RNASET2: variants seen among roughly 807,000 people sequenced by gnomAD.
The protein encoded by RNASET2 is ribonuclease T2.
RNASET2 carries 28 observed loss-of-function variants against 33.9 expected under a neutral mutation model. That is an observed-to-expected ratio of 0.83 (90% confidence interval 0.61 to 1.13). RNASET2 has a LOEUF of 1.13. Among genes scored for constraint, RNASET2 ranks in the 50% most tolerant of loss-of-function variants. The pLI is 0.00. For synonymous variants in RNASET2, 123 were observed against 121.0 expected, an observed-to-expected ratio of 1.02 and a Z score of -0.11; for missense variants, 330 against 319.9, an observed-to-expected ratio of 1.03 and a Z score of -0.24.
rs1778280960 is a variant in RNASET2 at position 166,924,887 on chromosome 6, C to T, written c.*4701G>A. 6.6e-6 allele frequency among the ~76,000 whole-genome samples: 1 copy of T among 152,194 alleles called. No individual in the cohort carries two copies. The highest frequency in any genetic ancestry group is 2.4e-5 in the African/African-American group (1 of 41,430). ...CCTGCTTATGGCCATGTCCCAGTGC[C>T]TAGAAGAGAGGCGGCTCATAGGAAG... is the stretch of plus-strand genomic sequence containing the variant. On this transcript the variant is annotated 3_prime_UTR_variant, in exon 9 of 9. Coordinates refer to ENST00000508775, the MANE Select transcript of RNASET2 (RefSeq NM_003730.6).
chr6:166,945,492 C>G (rs951197468), intron 4 of RNASET2: 1 of 154,152 alleles, frequency 6.5e-6, no homozygotes, highest in African/African-American at 2.4e-5. Flanking sequence ...GCTCATCCCA[C>G]TGAAGGTCTT....
intron 3 of RNASET2, 163 bp from the exon 4 acceptor site, chr6:166,946,902 G>A (rs900338794): frequency 8.6e-5 from 59 of 688,196 alleles, no homozygotes; most frequent in African/African-American, 7.7e-4. Context: ...GAAAGAAGAT[G>A]CAGGTAAGAG....
Position 166,926,234 on chromosome 6 carries a change from C to T in RNASET2, c.*3354G>A, listed in dbSNP as rs553645730. Among the ~76,000 whole-genome samples the T allele has an allele frequency of 2.3e-4, 35 of 151,620 alleles. No individual in the cohort carries two copies. Among genetic ancestry groups the T allele is most frequent in the African/African-American group, 7.5e-4 (31 of 41,260 alleles). ...TTCACCGAGATGGAGGCAAAAGTTTCGGTGGAAAGATAAGATACCTGGGCC... is the reference window on the plus strand; with the variant it reads ...TTCACCGAGATGGAGGCAAAAGTTTTGGTGGAAAGATAAGATACCTGGGCC... On this transcript the variant is annotated 3_prime_UTR_variant, in exon 9 of 9. Coordinates refer to ENST00000508775, the MANE Select transcript of RNASET2 (RefSeq NM_003730.6).
chr6:166,955,474 G>C, intron 1 of RNASET2: 1 of 986,860 alleles, frequency 1.0e-6, no homozygotes, highest in Non-Finnish European at 1.2e-6. Context: ...TACTCAAAAA[G>C]AGGAAGAACC....
chr6:166,931,621 C>T (rs1257037220), intron 7 of RNASET2: 1 of 187,882 alleles, frequency 5.3e-6, no homozygotes, highest in Non-Finnish European at 1.1e-5. Flanking sequence ...AAACCTAGAC[C>T]CCCCTGTGCT....
In RNASET2 at chr6:166,923,228, C is replaced by CTTTT. The variant is rs576639665; in HGVS notation, c.*6356_*6359dup. Among the ~76,000 whole-genome samples the CTTTT allele has an allele frequency of 2.9e-4, 30 of 102,658 alleles. 3 individuals are homozygous for CTTTT. Among genetic ancestry groups the CTTTT allele is most frequent in the African/African-American group, 1.1e-3 (22 of 19,134 alleles). 67.3% of individuals were successfully genotyped at this position (102,658 alleles called of 152,430 possible). On this transcript the variant is annotated 3_prime_UTR_variant, in exon 9 of 9. Transcript: ENST00000508775. The stretch of plus-strand genomic sequence containing the variant: ...ACAGGCGTGAGCCACCAGGCCCGGC[C>CTTTT]TTTTTTTTTTTTTTTTTTTTTGAGA...
In RNASET2 at chr6:166,952,493, A is replaced by C. The variant is rs919595149; in HGVS notation, c.142T>G (p.Cys48Gly). 10 of 1,613,944 alleles carry C rather than the reference A, an allele frequency of 6.2e-6. No individual in the cohort carries two copies. The highest frequency in any genetic ancestry group is 1.7e-5 in the Admixed American group (1 of 60,032). ...IMVQHWPETV[C>G]EKIQNDCRDP... ...GTCAAGGCAGAAACACTCACCTCGC[A>C]TACTGTCTCAGGCCAGTGCTGAACC... The change falls in exon 2 of 9, where the codon TGC becomes GGC. Residue 48 changes from cysteine (C) to glycine (G), a missense_variant. Transcript: ENST00000508775.
rs1410177844 is a variant in RNASET2, at chr6:166,927,156, T to G, written c.*2432A>C. Among the ~76,000 whole-genome samples, 1 of 152,208 alleles carries G rather than the reference T, an allele frequency of 6.6e-6. No individual in the cohort carries two copies. The highest frequency in any genetic ancestry group is 2.4e-5 in the African/African-American group (1 of 41,448). Reference sequence around the variant, plus strand: ...TGCACGACCTACTTGTTTAATGATGTAAAAACATGTGCTTGGATCTGATCT... The same window carrying G: ...TGCACGACCTACTTGTTTAATGATGGAAAAACATGTGCTTGGATCTGATCT... On this transcript the variant is annotated 3_prime_UTR_variant, in exon 9 of 9. Coordinates refer to ENST00000508775, the MANE Select transcript of RNASET2 (RefSeq NM_003730.6).
At chr6:166,947,074 C>A (rs997143077) in intron 3 of RNASET2, among the ~76,000 whole-genome samples, 5 of 152,032 alleles carry the variant, frequency 3.3e-5, no homozygotes, top group African/African-American at 1.2e-4. Context: ...TGACGGCAAC[C>A]TCTGCTGCTC....
In RNASET2 at chr6:166,955,278, CACG is replaced by C. The variant is rs1200840648; in HGVS notation, c.86+816_86+818del. ...ACACGCACACACACACACGCGCACA[CACG>C]ACACACACGCACAGACGCGCACACA... On this transcript the variant is annotated intron_variant, in intron 1 of 8. Transcript: ENST00000508775. Among the ~76,000 whole-genome samples, 101 of 79,704 alleles carry C rather than the reference CACG, an allele frequency of 1.3e-3. 1 individual carries two copies. Among genetic ancestry groups the C allele is most frequent in the African/African-American group, 5.9e-3 (84 of 14,126 alleles). 52.3% of individuals were successfully genotyped at this position (79,704 alleles called of 152,430 possible). A position where few individuals can be genotyped will look rare whatever the true frequency, so the allele number is the denominator to read the frequency against.
Position 166,925,302 on chromosome 6 carries a change from A to G in RNASET2, c.*4286T>C, listed in dbSNP as rs1305248394. ...GCCTCATCTATGCCACTTAGCCCTC[A>G]CCCATGCCATCTAGCCCTCACTCAA... On this transcript the variant is annotated 3_prime_UTR_variant, in exon 9 of 9. Transcript: ENST00000508775. Among the ~76,000 whole-genome samples, 1 of 150,782 alleles carries G rather than the reference A, an allele frequency of 6.6e-6. No homozygotes were observed. Among genetic ancestry groups the G allele is most frequent in the Non-Finnish European group, 1.5e-5 (1 of 67,804 alleles).
intron 4 of RNASET2, chr6:166,943,587 C>T (rs1480256514): frequency 1.2e-5 from 4 of 337,838 alleles, no homozygotes; most frequent in East Asian, 8.5e-5. Flanking sequence ...TTAGGGCCAG[C>T]GGCTGCTCCA....
intron 6 of RNASET2, among the ~76,000 whole-genome samples, chr6:166,937,099 C>T (rs1405582431): frequency 6.6e-6 from 1 of 152,152 alleles, no homozygotes; most frequent in Non-Finnish European, 1.5e-5. Flanking sequence ...GTCTCCTGTG[C>T]TCCAGGAGCT....
rs561189201 is a variant in RNASET2, at chr6:166,927,121, A to G, written c.*2467T>C. Reference sequence around the variant, plus strand: ...TCAGAGTTGCATCTTCCTGAGTTGAATCTGGAAAATGCACGACCTACTTGT... The same window carrying G: ...TCAGAGTTGCATCTTCCTGAGTTGAGTCTGGAAAATGCACGACCTACTTGT... On this transcript the variant is annotated 3_prime_UTR_variant, in exon 9 of 9. Coordinates refer to ENST00000508775, the MANE Select transcript of RNASET2 (RefSeq NM_003730.6). 4.6e-5 allele frequency among the ~76,000 whole-genome samples: 7 copies of G among 152,324 alleles called. No homozygotes were observed. In the South Asian group the frequency reaches 1.5e-3, roughly 32 times the overall value.
chr6:166,931,223 G>C, intron 7 of RNASET2, 105 bp from the exon 8 acceptor site: 1 of 847,890 alleles, frequency 1.2e-6, no homozygotes, highest in Non-Finnish European at 2.0e-6. Context: ...GTCTCCCTTG[G>C]CTGGCAGGGA....
intron 4 of RNASET2, among the ~76,000 whole-genome samples, chr6:166,945,924 C>T (rs1324747780): frequency 6.6e-6 from 1 of 151,938 alleles, no homozygotes; most frequent in African/African-American, 2.4e-5. Context: ...CTAGGAAAGA[C>T]CCACAACTCC....
At chr6:166,940,953 C>T (rs564740268) in intron 5 of RNASET2, among the ~76,000 whole-genome samples, 110 of 152,276 alleles carry the variant, frequency 7.2e-4, no homozygotes, top group African/African-American at 2.6e-3. Flanking sequence ...ACACATTCCA[C>T]AGCAGTGCTG....
chr6:166,942,979 C>G, intron 5 of RNASET2, 40 bp downstream of exon 5: 1 of 1,553,800 alleles, frequency 6.4e-7, no homozygotes, highest in Non-Finnish European at 8.9e-7. Context: ...CACACCCGCT[C>G]AGACAGTAAT....
At chr6:166,939,318 C>G (rs944134824) in intron 5 of RNASET2, among the ~76,000 whole-genome samples, 1 of 152,002 alleles carries the variant, frequency 6.6e-6, no homozygotes, top group African/African-American at 2.4e-5. Context: ...GGGCAAGAGA[C>G]AAACTCCATC....
Sources: gnomAD v4.1 joint callset for allele counts (sites outside exome capture counted in the v4.1 genomes callset) on GRCh38, gnomAD v4.1.1 for gene constraint, MANE v1.5 for transcripts, NCBI Gene and HGNC (gene_info 2026-07-23, HGNC 2026-07-21) for gene names.